Variants in EEIG1 observed in about 807,000 individuals in gnomAD.
EEIG1 encodes the protein estrogen-induced osteoclastogenesis regulator 1, also known as early estrogen-induced gene 1 protein.
At chr9:127,969,938 ACAGAGACGTG>A in the EEIG1 span, among the ~76,000 whole-genome samples, 1 of 152,098 alleles carries the variant, frequency 6.6e-6, no homozygotes, top group Non-Finnish European at 1.5e-5. Flanking sequence ...TGTTTCTGGC[ACAGAGACGTG>A]CAGAACTCAC....
At chr9:127,965,106 C>CAAAAAAAAAAAAAAAAAAAAAAAAAAAAA in the EEIG1 span, among the ~76,000 whole-genome samples, 1 of 69,702 alleles carries the variant, frequency 1.4e-5, no homozygotes, top group African/African-American at 5.6e-5. Context: ...AAGACTGTCT[C>CAAAAAAAAAAAAAAAAAAAAAAAAAAAAA]AAAAAAAAAA....
chr9:127,960,433 G>C, the EEIG1 span, among the ~76,000 whole-genome samples: 1 of 152,192 alleles, frequency 6.6e-6, no homozygotes, highest in Non-Finnish European at 1.5e-5. Context: ...TGCCCCCGTG[G>C]ACTGTGGCTT....
At chr9:127,979,219 G>GAA in the EEIG1 span, among the ~76,000 whole-genome samples, 1 of 152,170 alleles carries the variant, frequency 6.6e-6, no homozygotes, top group Non-Finnish European at 1.5e-5. Flanking sequence ...AGGAGGCCCA[G>GAA]AAAGTAACAG....
the EEIG1 span, chr9:127,947,981 G>A: frequency 7.0e-7 from 1 of 1,430,404 alleles, no homozygotes; most frequent in Non-Finnish European, 9.5e-7. Context: ...TCTCCCCTCA[G>A]TCAGCGTCTC....
At chr9:127,956,693 G>GA in the EEIG1 span, among the ~76,000 whole-genome samples, 1 of 151,570 alleles carries the variant, frequency 6.6e-6, no homozygotes, top group Non-Finnish European at 1.5e-5. Flanking sequence ...TTACAGGCGT[G>GA]AGCCACCACA....
the EEIG1 span, among the ~76,000 whole-genome samples, chr9:127,955,194 G>A: frequency 2.6e-5 from 4 of 152,204 alleles, no homozygotes; most frequent in African/African-American, 9.7e-5. Flanking sequence ...CTGCCAGATC[G>A]AGGCCTCAGG....
At chr9:127,956,962 G>GA in the EEIG1 span, among the ~76,000 whole-genome samples, 3 of 152,068 alleles carry the variant, frequency 2.0e-5, no homozygotes, top group African/African-American at 7.2e-5. Flanking sequence ...TGATCCATCT[G>GA]CCATGGCATC....
At chr9:127,971,838 T>C in the EEIG1 span, among the ~76,000 whole-genome samples, 1 of 152,134 alleles carries the variant, frequency 6.6e-6, no homozygotes, top group Non-Finnish European at 1.5e-5. Flanking sequence ...AGGTGACTCT[T>C]AGGCTGAGAA....
the EEIG1 span, chr9:127,980,148 CCT>C: frequency 1.6e-5 from 26 of 1,610,302 alleles, no homozygotes; most frequent in Non-Finnish European, 2.2e-5. Context: ...GAGCGAGTTC[CCT>C]GAGTCTGAAG....
the EEIG1 span, among the ~76,000 whole-genome samples, chr9:127,946,243 G>A: frequency 6.6e-6 from 1 of 152,240 alleles, no homozygotes; most frequent in Non-Finnish European, 1.5e-5. Context: ...GCCTGGGTCA[G>A]CGGAGTTGGA....
At chr9:127,966,215 C>G in the EEIG1 span, among the ~76,000 whole-genome samples, 1 of 152,142 alleles carries the variant, frequency 6.6e-6, no homozygotes, top group African/African-American at 2.4e-5. Flanking sequence ...GCTGGGAAAG[C>G]GTCAGGGTTA....
chr9:127,964,532 A>G, the EEIG1 span, among the ~76,000 whole-genome samples: 1 of 152,322 alleles, frequency 6.6e-6, no homozygotes, highest in South Asian at 2.1e-4. Context: ...CTCTCCTCAG[A>G]GTTGGAGCAA....
chr9:127,950,936 C>T, the EEIG1 span, among the ~76,000 whole-genome samples: 3 of 152,126 alleles, frequency 2.0e-5, no homozygotes. Context: ...GAAGTGGGTG[C>T]TGGGGAAAGT....
At chr9:127,945,109 G>A in the EEIG1 span, among the ~76,000 whole-genome samples, 1 of 152,144 alleles carries the variant, frequency 6.6e-6, no homozygotes, top group Non-Finnish European at 1.5e-5. This position sits in a 1 kb window ranked among gnomAD's most constrained non-coding sequence, Gnocchi z 6.5. Context: ...GCAATGAGCA[G>A]GTAAGTCAGC....
chr9:127,971,148 G>T, the EEIG1 span, among the ~76,000 whole-genome samples: 1 of 152,180 alleles, frequency 6.6e-6, no homozygotes, highest in African/African-American at 2.4e-5. Context: ...AGCACCAGCC[G>T]GCCACCTCCT....
the EEIG1 span, among the ~76,000 whole-genome samples, chr9:127,961,754 A>T: frequency 6.6e-6 from 1 of 151,260 alleles, no homozygotes; most frequent in African/African-American, 2.4e-5. Context: ...CTAAGCAAAG[A>T]CTGAAGCGAG....
chr9:127,951,733 C>T, the EEIG1 span, among the ~76,000 whole-genome samples: 4 of 148,636 alleles, frequency 2.7e-5, no homozygotes, highest in Non-Finnish European at 4.4e-5. Context: ...AGGAGAATGG[C>T]GTGAACCCGG....
chr9:127,943,016 G>A, the EEIG1 span: 17 of 658,498 alleles, frequency 2.6e-5, no homozygotes, highest in Admixed American at 3.8e-4. Context: ...GAGGGTCCCA[G>A]CATGGATGGG....
the EEIG1 span, among the ~76,000 whole-genome samples, chr9:127,965,911 G>A: frequency 1.3e-5 from 2 of 152,216 alleles, no homozygotes; most frequent in African/African-American, 4.8e-5. Context: ...AGCATGGCCA[G>A]GACCTCCTCC....
Sources: gnomAD v4.1 joint callset for allele counts (sites outside exome capture counted in the v4.1 genomes callset) on GRCh38, gnomAD v4.1.1 for gene constraint, Gnocchi (gnomAD v3.1) non-coding constraint, MANE v1.5 for transcripts, NCBI Gene and HGNC (gene_info 2026-07-23, HGNC 2026-07-21) for gene names.